The following HECW1 variants were observed in gnomAD, a reference collection of about 807,000 sequenced individuals.
HECW1 encodes HECT, C2 and WW domain containing E3 ubiquitin protein ligase 1.
In HECW1, 61 loss-of-function variants were observed where a neutral mutation model predicts 182.3. The ratio of observed to expected loss-of-function variants is 0.33; its 90% CI spans 0.27 to 0.41. The LOEUF (loss-of-function observed/expected upper bound fraction) is 0.41, where lower values mean the gene tolerates loss of function less well. HECW1 is among the 10% of genes least tolerant of loss of function. The pLI is 1.00. For missense variants in HECW1, 1,739 were observed against 2,108.9 expected (o/e 0.82, Z 3.44); for synonymous variants, 859 against 832.6 (o/e 1.03, Z -0.55).
chr7:43,486,289 C>T (rs565186263), intron 17 of HECW1, among the ~76,000 whole-genome samples: 6 of 151,388 alleles, frequency 4.0e-5, no homozygotes, highest in African/African-American at 2.4e-5. Context: ...TGGGTTGGTT[C>T]GATTTTTTTT....
At position 43,320,089 on chromosome 7, in the gene HECW1, C is replaced by T. The variant is rs113632012; in HGVS notation, c.353-546C>T. Among the ~76,000 whole-genome samples the T allele has an allele frequency of 8.0e-3, 1,212 of 152,236 alleles. 14 individuals are homozygous for T. Among genetic ancestry groups the T allele is most frequent in the African/African-American group, 0.028 (1,169 of 41,522 alleles). ...CTGGCAGATGGTTAGATTTCAGCTGCTGAATGAACAATGAATGCATGAGTG... is the reference window on the plus strand; with the variant it reads ...CTGGCAGATGGTTAGATTTCAGCTGTTGAATGAACAATGAATGCATGAGTG... On this transcript the variant is annotated intron_variant, in intron 4 of 29. Transcript: ENST00000395891.
intron 24 of HECW1, among the ~76,000 whole-genome samples, chr7:43,534,999 A>G (rs1250844592): frequency 6.6e-6 from 1 of 152,186 alleles, no homozygotes; most frequent in African/African-American, 2.4e-5. Flanking sequence ...GCTGTCCTAT[A>G]CAGTAGGTGC....
At chr7:43,287,269 C>G (rs1043226965) in intron 3 of HECW1, among the ~76,000 whole-genome samples, 3 of 151,974 alleles carry the variant, frequency 2.0e-5, no homozygotes, top group African/African-American at 7.3e-5. Context: ...TGTGGAGATG[C>G]TGGAATGGAG....
chr7:43,545,867 A>C (rs2081538915), intron 26 of HECW1, among the ~76,000 whole-genome samples: 1 of 152,084 alleles, frequency 6.6e-6, no homozygotes, highest in Non-Finnish European at 1.5e-5. Context: ...CACTTGGTGT[A>C]ACTTTATGGA....
intron 16 of HECW1, among the ~76,000 whole-genome samples, chr7:43,479,247 A>G (rs1415947784): frequency 2.0e-5 from 3 of 152,152 alleles, no homozygotes; most frequent in Non-Finnish European, 4.4e-5. Context: ...GTAACGAGAG[A>G]CGGTGACAGA....
At chr7:43,500,639 A>C in intron 19 of HECW1, 60 bp from the exon 20 acceptor site, 5 of 1,241,322 alleles carry the variant, frequency 4.0e-6, no homozygotes, top group Non-Finnish European at 6.0e-6. Context: ...TCAGAAGAAA[A>C]TGTATTTCTG....
intron 24 of HECW1, among the ~76,000 whole-genome samples, chr7:43,514,962 G>A (rs1585154241): frequency 6.6e-6 from 1 of 152,154 alleles, no homozygotes; most frequent in African/African-American, 2.4e-5. Flanking sequence ...TCAGGATCTA[G>A]CCCCCATTCA....
At chr7:43,295,684 G>A (rs751670080) in intron 3 of HECW1, among the ~76,000 whole-genome samples, 17 of 152,120 alleles carry the variant, frequency 1.1e-4, no homozygotes, top group Non-Finnish European at 1.2e-4. Context: ...CATGACCTAC[G>A]TATTTTCCAG....
chr7:43,561,418 A>G (rs951606020), intron 29 of HECW1, among the ~76,000 whole-genome samples: 3 of 152,242 alleles, frequency 2.0e-5, no homozygotes, highest in South Asian at 2.1e-4. Context: ...TGGTTCACAG[A>G]GGCTCAGAAA....
chr7:43,173,967 A>G (rs191444422), intron 2 of HECW1, among the ~76,000 whole-genome samples: 363 of 151,860 alleles, frequency 2.4e-3, no homozygotes, highest in African/African-American at 8.4e-3. Context: ...CTTCCCTAGT[A>G]GCTGGGACTA....
chr7:43,125,618 CA>C (rs1361538974), intron 2 of HECW1, among the ~76,000 whole-genome samples: 1 of 151,732 alleles, frequency 6.6e-6, no homozygotes, highest in Non-Finnish European at 1.5e-5. Context: ...ATTAGCCGGG[CA>C]TGGTGTCACA....
intron 2 of HECW1, among the ~76,000 whole-genome samples, chr7:43,192,595 A>G (rs572451462): frequency 5.3e-5 from 8 of 152,358 alleles, no homozygotes; most frequent in African/African-American, 1.4e-4. Context: ...TCTCCTAATT[A>G]TATTAATAAC....
intron 5 of HECW1, among the ~76,000 whole-genome samples, chr7:43,355,299 T>C (rs1218086374): frequency 1.3e-5 from 2 of 152,164 alleles, no homozygotes; most frequent in South Asian, 2.1e-4. Flanking sequence ...AATACTGTAA[T>C]TGTGGTGTGC....
chr7:43,549,815 A>G (rs2081729562), intron 26 of HECW1, among the ~76,000 whole-genome samples: 1 of 152,188 alleles, frequency 6.6e-6, no homozygotes, highest in South Asian at 2.1e-4. Flanking sequence ...GATGGCTGTT[A>G]AGAATTTGCT....
chr7:43,504,576 A>G (rs534560495), intron 21 of HECW1, among the ~76,000 whole-genome samples: 7 of 152,104 alleles, frequency 4.6e-5, no homozygotes, highest in African/African-American at 1.7e-4. Flanking sequence ...TGCTTCCCCC[A>G]CTTCTGCAAT....
chr7:43,435,181 A>G (rs949017839), intron 8 of HECW1, among the ~76,000 whole-genome samples: 1 of 151,514 alleles, frequency 6.6e-6, no homozygotes, highest in African/African-American at 2.4e-5. Flanking sequence ...GAAAAGTTAA[A>G]CTATTATATG....
At chr7:43,433,880 T>C (rs2076627054) in intron 8 of HECW1, among the ~76,000 whole-genome samples, 1 of 152,134 alleles carries the variant, frequency 6.6e-6, no homozygotes, top group Admixed American at 6.5e-5. Flanking sequence ...GATCAAAAGG[T>C]AAAGGACAAA....
chr7:43,382,153 G>T (rs936086669), intron 6 of HECW1, among the ~76,000 whole-genome samples: 2 of 152,192 alleles, frequency 1.3e-5, no homozygotes, highest in East Asian at 1.9e-4. Context: ...GGGCATGGTG[G>T]TGGGGGCCTG....
chr7:43,176,462 G>A (rs1792257823), intron 2 of HECW1, among the ~76,000 whole-genome samples: 1 of 152,174 alleles, frequency 6.6e-6, no homozygotes, highest in Non-Finnish European at 1.5e-5. Flanking sequence ...TTTGAATCCT[G>A]TAGGTTGGGA....
Sources: gnomAD v4.1 joint callset for allele counts (sites outside exome capture counted in the v4.1 genomes callset) on GRCh38, gnomAD v4.1.1 for gene constraint, MANE v1.5 for transcripts, NCBI Gene and HGNC (gene_info 2026-07-23, HGNC 2026-07-21) for gene names.